The following KIFC3 variants were observed in gnomAD, a reference collection of about 807,000 sequenced individuals.
KIFC3 encodes kinesin family member C3.
In KIFC3, 60 loss-of-function variants were observed where a neutral mutation model predicts 101.8. The observed-to-expected ratio is 0.59, with a 90% CI of 0.48 to 0.73. KIFC3 has a LOEUF of 0.73. Among genes scored for constraint, KIFC3 ranks in the 30% least tolerant of loss-of-function variants. The pLI, the probability that KIFC3 is intolerant of heterozygous loss-of-function variation, is 0.00. For synonymous variants in KIFC3, 476 were observed against 482.7 expected (o/e 0.99, Z 0.18); for missense variants, 966 against 1,137.1 (o/e 0.85, Z 2.16).
intron 1 of KIFC3, among the ~76,000 whole-genome samples, chr16:57,817,366 A>G (rs936726096): frequency 2.0e-5 from 3 of 152,030 alleles, no homozygotes; most frequent in East Asian, 1.9e-4. Flanking sequence ...CTCAACAGAA[A>G]AAAAAAAAGA....
intron 1 of KIFC3, among the ~76,000 whole-genome samples, chr16:57,861,928 A>G (rs1259302280): frequency 6.6e-6 from 1 of 152,118 alleles, no homozygotes; most frequent in Admixed American, 6.6e-5. Context: ...CAGCCTGGGC[A>G]ACAAAGTGAA....
At chr16:57,846,755 G>A (rs1483758852) in intron 1 of KIFC3, among the ~76,000 whole-genome samples, 2 of 152,206 alleles carry the variant, frequency 1.3e-5, no homozygotes, top group Non-Finnish European at 2.9e-5. Context: ...AAACACTCAC[G>A]TATTGGGTTT....
In KIFC3 at chr16:57,775,923, C is replaced by T. The variant is rs773201518; in HGVS notation, c.316-3635G>A. On this transcript the variant is annotated intron_variant, in intron 3 of 19. Transcript: ENST00000445690. ...GAGCAACTGAATCACGGGCCTGCTG[C>T]AGGGGGCGTCACCCTGCCTGCTCAA... 6.8e-4 allele frequency: 667 copies of T among 985,494 alleles called. 2 individuals carry two copies. Among genetic ancestry groups the T allele is most frequent in the Non-Finnish European group, 7.8e-4 (644 of 830,076 alleles). The allele number at this position is 985,494 out of a possible 1,614,324, so 61.0% of individuals were successfully genotyped here. A position where few individuals can be genotyped will look rare whatever the true frequency, so the allele number is the denominator to read the frequency against.
intron 1 of KIFC3, among the ~76,000 whole-genome samples, chr16:57,858,476 A>G (rs2056226065): frequency 6.6e-6 from 1 of 152,306 alleles, no homozygotes; most frequent in South Asian, 2.1e-4. Flanking sequence ...TCCGTGAACC[A>G]TTTATAGAAA....
chr16:57,812,691 G>A (rs1426542499), intron 1 of KIFC3, among the ~76,000 whole-genome samples: 2 of 152,220 alleles, frequency 1.3e-5, no homozygotes, highest in Non-Finnish European at 2.9e-5. Context: ...GTGAGATGAG[G>A]TGTTGCTCAG....
At chr16:57,860,377 T>C (rs1347787389) in intron 1 of KIFC3, among the ~76,000 whole-genome samples, 3 of 151,954 alleles carry the variant, frequency 2.0e-5, no homozygotes, top group African/African-American at 7.2e-5. Context: ...CACTTGAACT[T>C]GGGAAGAGGA....
chr16:57,816,184 T>C, intron 1 of KIFC3: 1 of 1,270,966 alleles, frequency 7.9e-7, no homozygotes, highest in Non-Finnish European at 1.0e-6. Context: ...CCACTTCTAA[T>C]AGTTCATCAA....
chr16:57,841,152 G>A (rs533911488), intron 1 of KIFC3, among the ~76,000 whole-genome samples: 1 of 152,350 alleles, frequency 6.6e-6, no homozygotes, highest in South Asian at 2.1e-4. Context: ...GAGTGTGATA[G>A]AGGACCGTAA....
intron 1 of KIFC3, among the ~76,000 whole-genome samples, chr16:57,838,350 C>G (rs1043957582): frequency 7.2e-5 from 11 of 152,318 alleles, no homozygotes; most frequent in African/African-American, 2.6e-4. Context: ...GCAGCCCTGG[C>G]TGGGTCCTCG....
intron 1 of KIFC3, among the ~76,000 whole-genome samples, chr16:57,839,808 TC>T (rs1433227726): frequency 6.6e-6 from 1 of 152,080 alleles, no homozygotes; most frequent in Non-Finnish European, 1.5e-5. Flanking sequence ...AGTGATTTTT[TC>T]CCCCCTGGAT....
At chr16:57,824,979 C>T (rs1440298007) in intron 1 of KIFC3, among the ~76,000 whole-genome samples, 1 of 152,152 alleles carries the variant, frequency 6.6e-6, no homozygotes, top group Non-Finnish European at 1.5e-5. Context: ...AAATAGTTAA[C>T]CTGCCTCCCA....
intron 3 of KIFC3, among the ~76,000 whole-genome samples, chr16:57,772,705 A>G (rs894738067): frequency 2.0e-5 from 3 of 152,066 alleles, no homozygotes; most frequent in Non-Finnish European, 4.4e-5. Flanking sequence ...CAGATGGTAC[A>G]TACTCCAGGT....
chr16:57,765,464 G>T lies in KIFC3; in HGVS notation c.1507C>A (p.Gln503Lys), dbSNP rs1555601831. The T allele has an allele frequency of 1.9e-6, 3 of 1,578,072 alleles. No individual in the cohort carries two copies. Among genetic ancestry groups the T allele is most frequent in the Non-Finnish European group, 2.6e-6 (3 of 1,160,152 alleles). ...DKVFSPQASQ[Q>K]DVFQEVQALV... is the part of the protein sequence containing the mutation. ...CCGCATGGGGCCACACTCACGTCCT[G>T]CTGCGAGGCCTGTGGGGAGAAGACC... Residue 503 changes from glutamine to lysine, a missense_variant, in exon 11 of 20, where the codon CAG (glutamine) becomes AAG (lysine). Gln to Lys is a moderately conservative substitution (Grantham distance 53). Around this residue, in one of 2 missense-constraint regions of KIFC3, gnomAD observed 689 missense variants for 884.6 expected, o/e 0.78. Transcript: ENST00000445690.
chr16:57,795,696 G>T (rs1436443420), intron 2 of KIFC3, among the ~76,000 whole-genome samples: 2 of 152,086 alleles, frequency 1.3e-5, no homozygotes, highest in African/African-American at 4.8e-5. Flanking sequence ...AGGGCGGGCT[G>T]TGGCAGCAAT....
At chr16:57,843,831 G>A (rs2055859282) in intron 1 of KIFC3, among the ~76,000 whole-genome samples, 1 of 152,156 alleles carries the variant, frequency 6.6e-6, no homozygotes, top group African/African-American at 2.4e-5. Flanking sequence ...TCCTTGGCCG[G>A]GCATGGTGGC....
At chr16:57,763,412 A>G (rs891580321) in intron 12 of KIFC3, among the ~76,000 whole-genome samples, 45 of 151,970 alleles carry the variant, frequency 3.0e-4, no homozygotes, top group African/African-American at 1.1e-3. Context: ...CAGAGTCCAG[A>G]TGGGAAATAA....
chr16:57,775,250 G>A, intron 3 of KIFC3: 1 of 1,310,156 alleles, frequency 7.6e-7, no homozygotes, highest in Non-Finnish European at 9.7e-7. Context: ...GTTGAGGAAG[G>A]GGCTCTAAAG....
In KIFC3 at chr16:57,769,457, A is replaced by T; in HGVS notation, c.1218+138T>A. 9.6e-7 allele frequency: 1 copy of T among 1,041,704 alleles called. No individual in the cohort carries two copies. Among genetic ancestry groups the T allele is most frequent in the Non-Finnish European group, 1.4e-6 (1 of 731,078 alleles). The allele number at this position is 1,041,704 out of a possible 1,614,324, so 64.5% of individuals were successfully genotyped here. On this transcript the variant is annotated intron_variant, in intron 9 of 19. Coordinates refer to ENST00000445690, the MANE Select transcript of KIFC3 (RefSeq NM_001130100.2). This position sits in a 1 kb window ranked among gnomAD's most constrained non-coding sequence, Gnocchi z 4.3. ...AAACAGGGCCTATAAGGGCAGCAGT[A>T]AGTGTCATGGGGGGTGGGGCAGGGG...
chr16:57,758,931 A>G lies in KIFC3; in HGVS notation c.*25-22T>C, dbSNP rs781953522. 1.7e-5 allele frequency: 26 copies of G among 1,559,580 alleles called. 1 individual carries two copies. The South Asian group carries it at 2.8e-4, about 17-fold the overall frequency. ...TTCCCTGCAGGGGCATGAGATCATCAGCCTCTTGTCCACTTGCCCACCGGC... is the reference window on the plus strand; with the variant it reads ...TTCCCTGCAGGGGCATGAGATCATCGGCCTCTTGTCCACTTGCCCACCGGC... On this transcript the variant is annotated intron_variant, in intron 19 of 19. Coordinates refer to ENST00000445690, the MANE Select transcript of KIFC3 (RefSeq NM_001130100.2).
Sources: allele counts gnomAD v4.1 joint callset (sites outside exome capture counted in the v4.1 genomes callset), GRCh38; gene constraint gnomAD v4.1.1; regional missense constraint gnomAD v4.1.1; non-coding constraint Gnocchi (gnomAD v3.1); transcripts MANE v1.5; gene names NCBI Gene and HGNC (gene_info 2026-07-23, HGNC 2026-07-21).